Variants in LRRTM4 observed in about 807,000 individuals in gnomAD.
The protein encoded by LRRTM4 is leucine-rich repeat transmembrane neuronal protein 4.
In LRRTM4, 25 loss-of-function variants were observed where a neutral mutation model predicts 47.6. The ratio of observed to expected loss-of-function variants is 0.53; its 90% CI spans 0.38 to 0.73. LRRTM4 has a LOEUF of 0.73. LRRTM4 is among the 30% of genes least tolerant of loss of function. The probability of loss-of-function intolerance (pLI) is 0.00; values close to 1 mark genes in which losing one functional copy is unlikely to be tolerated. For missense variants in LRRTM4, 638 were observed against 713.4 expected, an observed-to-expected ratio of 0.89 and a Z score of 1.20; for synonymous variants, 311 against 269.5, an observed-to-expected ratio of 1.15 and a Z score of -1.51.
At chr2:77,081,427 G>T (rs1176771958) in intron 3 of LRRTM4, among the ~76,000 whole-genome samples, 1 of 151,454 alleles carries the variant, frequency 6.6e-6, no homozygotes, top group African/African-American at 2.4e-5. Flanking sequence ...TTAAAAATTG[G>T]AACATAGAAA....
intron 3 of LRRTM4, among the ~76,000 whole-genome samples, chr2:77,411,577 T>C (rs113219570): frequency 0.013 from 1,875 of 147,182 alleles, 44 homozygotes; most frequent in African/African-American, 0.044. Context: ...CTCAGCCTCC[T>C]GAGTAGCTGA....
At chr2:77,237,035 C>G (rs544335623) in intron 3 of LRRTM4, among the ~76,000 whole-genome samples, 2 of 151,798 alleles carry the variant, frequency 1.3e-5, no homozygotes, top group Admixed American at 1.3e-4. Context: ...ATGCTGGCTT[C>G]ATGGAATAAG....
At chr2:77,488,926 C>A (rs1157502995) in intron 3 of LRRTM4, among the ~76,000 whole-genome samples, 1 of 151,122 alleles carries the variant, frequency 6.6e-6, no homozygotes, top group Non-Finnish European at 1.5e-5. Flanking sequence ...ATGCAGCACA[C>A]CAGCATGGCA....
chr2:77,171,388 T>A (rs1002454524), intron 3 of LRRTM4, among the ~76,000 whole-genome samples: 7 of 152,102 alleles, frequency 4.6e-5, no homozygotes, highest in Non-Finnish European at 1.5e-5. Flanking sequence ...GCAATTCTCC[T>A]GCCTCAACCT....
At chr2:77,253,545 T>A (rs1422624503) in intron 3 of LRRTM4, among the ~76,000 whole-genome samples, 2 of 152,078 alleles carry the variant, frequency 1.3e-5, no homozygotes, top group Non-Finnish European at 2.9e-5. Flanking sequence ...TTTTAAAAAA[T>A]ACCTTGACAT....
chr2:76,820,682 T>G (rs1353371274), intron 3 of LRRTM4, among the ~76,000 whole-genome samples: 3 of 151,710 alleles, frequency 2.0e-5, no homozygotes, highest in Non-Finnish European at 2.9e-5. Context: ...TCAATGATCA[T>G]AAAAATTAAT....
At chr2:76,930,068 G>A (rs1255261408) in intron 3 of LRRTM4, among the ~76,000 whole-genome samples, 1 of 151,994 alleles carries the variant, frequency 6.6e-6, no homozygotes, top group East Asian at 1.9e-4. Context: ...AGAAAGATTG[G>A]AGATCAGTAT....
At chr2:77,226,546 T>C (rs868604812) in intron 3 of LRRTM4, among the ~76,000 whole-genome samples, 1 of 16,298 alleles carries the variant, frequency 6.1e-5, no homozygotes, top group Non-Finnish European at 9.6e-5. Flanking sequence ...TACATATATA[T>C]ATATATATAT....
chr2:76,908,983 GA>G (rs945694172), intron 3 of LRRTM4, among the ~76,000 whole-genome samples: 9 of 152,102 alleles, frequency 5.9e-5, no homozygotes, highest in African/African-American at 1.9e-4. Context: ...CACAGAATTG[GA>G]AAAAACTACT....
At chr2:76,758,495 G>A (rs1673142867) in intron 3 of LRRTM4, among the ~76,000 whole-genome samples, 5 of 152,030 alleles carry the variant, frequency 3.3e-5, no homozygotes. Flanking sequence ...AAGACTGGCT[G>A]GTCTTCATGA....
intron 3 of LRRTM4, among the ~76,000 whole-genome samples, chr2:77,417,427 A>G (rs62162575): frequency 0.13 from 20,298 of 152,034 alleles, 2,043 homozygotes; most frequent in African/African-American, 0.28. Flanking sequence ...ATGCTGCTAT[A>G]AAGACACATG....
chr2:76,789,453 A>T (rs1674852233), intron 3 of LRRTM4, among the ~76,000 whole-genome samples: 1 of 152,194 alleles, frequency 6.6e-6, no homozygotes, highest in East Asian at 1.9e-4. Flanking sequence ...GCGTTGTATG[A>T]CAGGACTTCT....
chr2:76,871,919 T>A (rs1334464096), intron 3 of LRRTM4, among the ~76,000 whole-genome samples: 1 of 152,144 alleles, frequency 6.6e-6, no homozygotes, highest in African/African-American at 2.4e-5. Flanking sequence ...CCAACTTAAG[T>A]GAGCTTGAAA....
intron 3 of LRRTM4, among the ~76,000 whole-genome samples, chr2:77,372,712 T>C (rs1213661585): frequency 1.3e-5 from 2 of 151,770 alleles, no homozygotes; most frequent in African/African-American, 4.8e-5. Context: ...AAATATACTG[T>C]TGTAGTTGCT....
chr2:77,273,343 C>T (rs1340476467), intron 3 of LRRTM4, among the ~76,000 whole-genome samples: 1 of 152,100 alleles, frequency 6.6e-6, no homozygotes, highest in Admixed American at 6.6e-5. Flanking sequence ...AGTGAATAAG[C>T]ACTCTGAAGA....
intron 3 of LRRTM4, among the ~76,000 whole-genome samples, chr2:77,290,855 T>C (rs1676804114): frequency 6.6e-6 from 1 of 152,082 alleles, no homozygotes; most frequent in Admixed American, 6.6e-5. Flanking sequence ...TTAGAGTTCT[T>C]AGAATTTGCG....
intron 3 of LRRTM4, among the ~76,000 whole-genome samples, chr2:76,882,052 T>C (rs1672946156): frequency 6.6e-6 from 1 of 152,184 alleles, no homozygotes; most frequent in Admixed American, 6.5e-5. Flanking sequence ...ATTGAATTCC[T>C]AGTACAAAAT....
At chr2:77,472,518 C>A (rs1285032047) in intron 3 of LRRTM4, among the ~76,000 whole-genome samples, 6 of 146,864 alleles carry the variant, frequency 4.1e-5, no homozygotes, top group Admixed American at 2.7e-4. Flanking sequence ...TGTGTGTGTT[C>A]TTTTTTTTTT....
At chr2:77,413,723 C>G (rs1350983205) in intron 3 of LRRTM4, among the ~76,000 whole-genome samples, 1 of 152,036 alleles carries the variant, frequency 6.6e-6, no homozygotes, top group African/African-American at 2.4e-5. Context: ...TCTCCTCTCT[C>G]CCCCAACCAG....
Sources: allele counts gnomAD v4.1 joint callset (sites outside exome capture counted in the v4.1 genomes callset), GRCh38; gene constraint gnomAD v4.1.1; transcripts MANE v1.5; gene names NCBI Gene and HGNC (gene_info 2026-07-23, HGNC 2026-07-21).